PSG4: variants seen among roughly 807,000 people sequenced by gnomAD.
The protein encoded by PSG4 is pregnancy specific beta-1-glycoprotein 4, also known as pregnancy-specific beta-1-glycoprotein 4.
A neutral mutation model predicts 44.3 loss-of-function variants in PSG4; 61 were observed. The ratio of observed to expected loss-of-function variants is 1.38; its 90% CI spans 1.12 to 1.70. The LOEUF (loss-of-function observed/expected upper bound fraction) is 1.70, where lower values mean the gene tolerates loss of function less well. Among genes scored for constraint, PSG4 ranks in the 40% most tolerant of loss-of-function variants. The pLI is 0.00. For missense variants in PSG4, 677 were observed against 511.7 expected (o/e 1.32, Z -3.12); for synonymous variants, 248 against 191.3 (o/e 1.30, Z -2.45).
rs371453747 is a variant in PSG4, at chr19:43,204,034, T to G, written c.282A>C (p.Ala94=). The stretch of plus-strand genomic sequence containing the variant: ...AATATACTCTTTCTCTTCCACTGTA[T>G]GCAGGCCCATATATAATTCTTTGAC... ...VDGQRIIYGP[A]YSGRERVYSN... Residue 94 remains alanine, a synonymous_variant, in exon 2 of 6, where the codon GCA becomes GCC. Coordinates refer to ENST00000405312, the MANE Select transcript of PSG4 (RefSeq NM_002780.5). The G allele has an allele frequency of 7.4e-5, 118 of 1,587,664 alleles. 20 individuals carry two copies. Among genetic ancestry groups the G allele is most frequent in the East Asian group, 3.7e-4 (14 of 37,570 alleles).
Position 43,203,938 on chromosome 19 carries a change from C to T in PSG4, c.378G>A (p.Lys126=). The change falls in exon 2 of 6, where the codon AAG becomes AAA. Residue 126 remains lysine, a synonymous_variant. Transcript: ENST00000405312. The part of the protein sequence containing the change: ...DAGSYTLHII[K]RRDGTGGVTG... ...TTACTCCTCCAGTCCCATCGCGTCG[C>T]TTTATGATGTGTAAGGTGTAGGATC... 1 of 1,586,596 alleles carries T rather than the reference C, an allele frequency of 6.3e-7. No homozygotes were observed. Among genetic ancestry groups the T allele is most frequent in the Non-Finnish European group, 8.5e-7 (1 of 1,171,316 alleles).
chr19:43,198,110 T>C lies in PSG4; in HGVS notation c.596A>G (p.Asn199Ser). ...MTHRLQLSKT[N>S]RTLFIFGVTK... ...GACACCAAATATAAAGAGGGTCCTG[T>C]TGGTTTTGGACAGCTGCAACCTGTG... is the stretch of plus-strand genomic sequence containing the variant. Residue 199 changes from asparagine to serine, a missense_variant, in exon 3 of 6, where the codon AAC becomes AGC. Physicochemically the swap from Asn to Ser is conservative, Grantham distance 46. Transcript: ENST00000405312. The C allele has an allele frequency of 6.3e-7, 1 of 1,587,582 alleles. No homozygotes were observed. Among genetic ancestry groups the C allele is most frequent in the Non-Finnish European group, 8.5e-7 (1 of 1,171,860 alleles).
chr19:43,197,165 T>A (rs1333227207), intron 3 of PSG4, among the ~76,000 whole-genome samples: 1 of 145,684 alleles, frequency 6.9e-6, no homozygotes, highest in Non-Finnish European at 1.5e-5. Context: ...GTCTAAAGAA[T>A]GACCTAGAAA....
In PSG4 at chr19:43,194,992, C is replaced by T; in HGVS notation, c.988+3G>A. 2 of 1,610,806 alleles carry T rather than the reference C, an allele frequency of 1.2e-6. No homozygotes were observed. Among genetic ancestry groups the T allele is most frequent in the South Asian group, 1.1e-5 (1 of 90,860 alleles). On this transcript the variant is annotated splice_donor_region_variant and intron_variant, in intron 4 of 5. Coordinates refer to ENST00000405312, the MANE Select transcript of PSG4 (RefSeq NM_002780.5). ...GGCCCACAGAGGAACAAAAGATACT[C>T]ACAGAGGACATTCAGGGTGACTGGG...
In PSG4 at chr19:43,195,653, C is replaced by A. The variant is rs1050250248; in HGVS notation, c.710-380G>T. ...CTGGGCCCCTTCCAAATTCCATCCT[C>A]CTTTGCCCCCCTAGATGAGATTTCT... On this transcript the variant is annotated intron_variant, in intron 3 of 5. Transcript: ENST00000405312. Among the ~76,000 whole-genome samples, 16 of 151,542 alleles carry A rather than the reference C, an allele frequency of 1.1e-4. 2 individuals carry two copies. The highest frequency in any genetic ancestry group is 2.6e-4 in the Admixed American group (4 of 15,164).
rs3170216 is a variant in PSG4 at position 43,204,093 on chromosome 19, G to T, written c.223C>A (p.Leu75Ile). Residue 75 changes from leucine to isoleucine, a missense_variant, in exon 2 of 6, where the codon CTC (leucine) becomes ATC (isoleucine). Physicochemically the swap from Leu to Ile is conservative, Grantham distance 5 (BLOSUM62 2). Transcript: ENST00000405312. ...YIWYKGQMTY[L>I]YHYITSYVVD... ...ACATATGATGTAATGTAATGGTAGA[G>T]GTATGTCATTTGCCCTTTGTACCAA... 3.2e-6 allele frequency: 5 copies of T among 1,585,474 alleles called. 1 individual carries two copies. The highest frequency in any genetic ancestry group is 2.6e-6 in the Non-Finnish European group (3 of 1,170,726).
At position 43,204,027 on chromosome 19, in the gene PSG4, C is replaced by T. The variant is rs772288582; in HGVS notation, c.289G>A (p.Gly97Arg). ...GCATTGGAATATACTCTTTCTCTTC[C>T]ACTGTATGCAGGCCCATATATAATT... Reference protein sequence around the residue: ...QRIIYGPAYSGRERVYSNASL... With the variant: ...QRIIYGPAYSRRERVYSNASL... Residue 97 changes from glycine to arginine, a missense_variant, in exon 2 of 6, where the codon GGA becomes AGA. Coordinates refer to ENST00000405312, the MANE Select transcript of PSG4 (RefSeq NM_002780.5). 4 of 1,587,610 alleles carry T rather than the reference C, an allele frequency of 2.5e-6. 1 individual carries two copies. Among genetic ancestry groups the T allele is most frequent in the Non-Finnish European group, 3.4e-6 (4 of 1,171,572 alleles).
At chr19:43,194,897 T>C in intron 4 of PSG4, 98 bp downstream of exon 4, 1 of 1,557,406 alleles carries the variant, frequency 6.4e-7, no homozygotes, top group Non-Finnish European at 8.7e-7. Context: ...GAAGTAAAGG[T>C]GTCTATACTT....
chr19:43,195,478 C>G (rs1418002982), intron 3 of PSG4, among the ~76,000 whole-genome samples: 2 of 151,418 alleles, frequency 1.3e-5, no homozygotes, highest in South Asian at 2.1e-4. Flanking sequence ...TAGGGAGGCA[C>G]AGACTTTCTC....
At position 43,193,214 on chromosome 19, in the gene PSG4, T is replaced by A; in HGVS notation, c.*158A>T. The A allele has an allele frequency of 1.3e-6, 1 of 762,624 alleles. No homozygotes were observed. The highest frequency in any genetic ancestry group is 2.4e-6 in the Non-Finnish European group (1 of 416,492). 47.2% of individuals were successfully genotyped at this position (762,624 alleles called of 1,614,324 possible). ...AGCTGTTGTTATGGTGTCGAACATT[T>A]TGGTGAGTTCTGAGTGGCTCACATG... is the stretch of plus-strand genomic sequence containing the variant. On this transcript the variant is annotated 3_prime_UTR_variant, in exon 6 of 6. Transcript: ENST00000405312.
In PSG4 at chr19:43,199,788, C is replaced by G. The variant is rs183013672; in HGVS notation, c.431-1513G>C. Among the ~76,000 whole-genome samples the G allele has an allele frequency of 2.1e-4, 30 of 145,706 alleles. 2 individuals are homozygous for G. The highest frequency in any genetic ancestry group is 7.3e-4 in the African/African-American group (28 of 38,098). On this transcript the variant is annotated intron_variant, in intron 2 of 5. Coordinates refer to ENST00000405312, the MANE Select transcript of PSG4 (RefSeq NM_002780.5). Reference sequence around the variant, plus strand: ...AAACTTTTACTGATGATCCAGACATCGAAGATCAATTGCTGGTAGTAGTAT... The same window carrying G: ...AAACTTTTACTGATGATCCAGACATGGAAGATCAATTGCTGGTAGTAGTAT...
chr19:43,195,250 T>C lies in PSG4; in HGVS notation c.733A>G (p.Thr245Ala), dbSNP rs879200599. The C allele has an allele frequency of 5.0e-6, 8 of 1,610,480 alleles. No individual in the cohort carries two copies. In the South Asian group the frequency reaches 7.7e-5, roughly 15 times the overall value. Reference sequence around the variant, plus strand: ...TCTCTGGGGTTTAAGTTGTTGATTGTGATGTAGGGCTTGGACAGCTTTGCT... The same window carrying C: ...TCTCTGGGGTTTAAGTTGTTGATTGCGATGTAGGGCTTGGACAGCTTTGCT... ...LLPKLSKPYI[T>A]INNLNPRENK... Residue 245 changes from threonine (T) to alanine (A), a missense_variant, in exon 4 of 6, where the codon ACA becomes GCA. Physicochemically the swap from Thr to Ala is moderately conservative, Grantham distance 58. Coordinates refer to ENST00000405312, the MANE Select transcript of PSG4 (RefSeq NM_002780.5).
chr19:43,202,091 G>C (rs1478770728), intron 2 of PSG4, among the ~76,000 whole-genome samples: 1 of 145,788 alleles, frequency 6.9e-6, no homozygotes, highest in Non-Finnish European at 1.5e-5. Context: ...GTGTTAGCGG[G>C]AAAGGAACTG....
intron 2 of PSG4, chr19:43,198,516 G>C (rs1368842097): frequency 1.4e-6 from 1 of 713,548 alleles, no homozygotes; most frequent in Non-Finnish European, 2.0e-6. Context: ...GCAGCATTGG[G>C]TCATGGAAAG....
rs1967610203 is a variant in PSG4 at position 43,203,438 on chromosome 19, C to G, written c.430+448G>C. On this transcript the variant is annotated intron_variant, in intron 2 of 5. Coordinates refer to ENST00000405312, the MANE Select transcript of PSG4 (RefSeq NM_002780.5). ...TAAGGCCTGCCCAAGAAGGAACAAC[C>G]CAGCACTGGCACAGGCTCCTCAGCT... The G allele has an allele frequency of 1.8e-5, 3 of 164,962 alleles. 1 individual carries two copies. Among genetic ancestry groups the G allele is most frequent in the South Asian group, 3.0e-4 (2 of 6,696 alleles). 10.2% of individuals were successfully genotyped at this position (164,962 alleles called of 1,614,324 possible).
Position 43,204,513 on chromosome 19 carries a change from C to T in PSG4, c.65-262G>A, listed in dbSNP as rs750409760. 7.6e-5 allele frequency: 35 copies of T among 463,424 alleles called. 2 individuals carry two copies. The highest frequency in any genetic ancestry group is 2.0e-4 in the African/African-American group (9 of 45,238). The allele number at this position is 463,424 out of a possible 1,614,324, so 28.7% of individuals were successfully genotyped here. On this transcript the variant is annotated intron_variant, in intron 1 of 5. Coordinates refer to ENST00000405312, the MANE Select transcript of PSG4 (RefSeq NM_002780.5). ...TTTGGATTCCTCTTCCCCAGGGGTC[C>T]GCACGGCCCCCTCCACACTGCCCTC...
rs200950549 is a variant in PSG4 at position 43,197,321 on chromosome 19, A to G, written c.709+676T>C. Among the ~76,000 whole-genome samples, 5 of 145,642 alleles carry G rather than the reference A, an allele frequency of 3.4e-5. 1 individual carries two copies. The highest frequency in any genetic ancestry group is 2.7e-4 in the Admixed American group (4 of 14,644). On this transcript the variant is annotated intron_variant, in intron 3 of 5. Transcript: ENST00000405312. ...GACTTCACTGGAAAACATATTGCCAATGCTCCAGGGATCCACTTACCAGGC... is the reference window on the plus strand; with the variant it reads ...GACTTCACTGGAAAACATATTGCCAGTGCTCCAGGGATCCACTTACCAGGC...
chr19:43,205,488 C>G lies in PSG4; in HGVS notation c.49G>C (p.Gly17Arg). 1 of 1,551,654 alleles carries G rather than the reference C, an allele frequency of 6.4e-7. No individual in the cohort carries two copies. Among genetic ancestry groups the G allele is most frequent in the African/African-American group, 1.5e-5 (1 of 68,716 alleles). ...PPCTQRITWK[G>R]VLLTASLLNF... ...CTCTCCTCACCTGTGAGCAGGACCC[C>G]CTTCCAGGTGATGCGCTGTGTGCAG... Residue 17 changes from glycine (G) to arginine (R), a missense_variant, in exon 1 of 6, where the codon GGG (glycine) becomes CGG (arginine). By Grantham distance (125) the Gly-to-Arg change is moderately radical. Transcript: ENST00000405312.
chr19:43,197,986 A>C lies in PSG4; in HGVS notation c.709+11T>G. ...GGCAGCCTGGCTCACAGAGGAACAG[A>C]GGATACTCACGGAGGAGATTCAGGG... On this transcript the variant is annotated intron_variant, in intron 3 of 5. Coordinates refer to ENST00000405312, the MANE Select transcript of PSG4 (RefSeq NM_002780.5). The C allele has an allele frequency of 2.5e-6, 4 of 1,587,840 alleles. 1 individual carries two copies. The highest frequency in any genetic ancestry group is 3.4e-6 in the Non-Finnish European group (4 of 1,171,912).
Sources: gnomAD v4.1 joint callset for allele counts (sites outside exome capture counted in the v4.1 genomes callset) on GRCh38, gnomAD v4.1.1 for gene constraint, MANE v1.5 for transcripts, NCBI Gene and HGNC (gene_info 2026-07-23, HGNC 2026-07-21) for gene names.